The following ATRX variants were observed in gnomAD, a reference collection of about 807,000 sequenced individuals.
ATRX encodes chromatin remodeler ATRX.
In ATRX, 12 loss-of-function variants were observed where a neutral mutation model predicts 172.6. The observed-to-expected ratio is 0.07, with a 90% CI of 0.04 to 0.11. The LOEUF is 0.11. ATRX is among the 10% of genes least tolerant of loss of function. The pLI is 1.00. For synonymous variants in ATRX, 674 were observed against 594.7 expected, an observed-to-expected ratio of 1.13 and a Z score of -1.94; for missense variants, 1,368 against 1,767.4, an observed-to-expected ratio of 0.77 and a Z score of 4.05.
At position 77,763,027 on chromosome X, in the gene ATRX, T is replaced by A. The variant is rs2075776637; in HGVS notation, c.20+22955A>T. On this transcript the variant is annotated intron_variant, in intron 1 of 34. Transcript: ENST00000373344. ...TGTTTGGAAATTTAGTCTAGAATAATCCACTGAAGGGTAAGTGTTAACCAA... is the reference window on the plus strand; with the variant it reads ...TGTTTGGAAATTTAGTCTAGAATAAACCACTGAAGGGTAAGTGTTAACCAA... Among the ~76,000 whole-genome samples, 3 of 111,487 alleles carry A rather than the reference T, an allele frequency of 2.7e-5. No homozygotes were observed. In the South Asian group the frequency reaches 1.1e-3, roughly 41 times the overall value.
At chrX:77,667,295 A>ATG (rs782297684) in intron 10 of ATRX, among the ~76,000 whole-genome samples, 9,691 of 88,894 alleles carry the variant, frequency 0.11, 546 homozygotes, top group African/African-American at 0.18. Context: ...ACGAATAAAT[A>ATG]TGTGTGTGTG....
chrX:77,625,166 G>A (rs1037053590), intron 19 of ATRX, among the ~76,000 whole-genome samples: 3 of 112,047 alleles, frequency 2.7e-5, no homozygotes, highest in African/African-American at 9.7e-5. Flanking sequence ...TTCAACAAAT[G>A]GTGCTGGGAT....
intron 1 of ATRX, among the ~76,000 whole-genome samples, chrX:77,741,343 T>A (rs782151459): frequency 1.8e-5 from 2 of 111,533 alleles, no homozygotes; most frequent in Admixed American, 9.6e-5. Context: ...CTTTACACAT[T>A]CTGGATATTA....
At chrX:77,748,055 G>A (rs782419088) in intron 1 of ATRX, among the ~76,000 whole-genome samples, 13 of 111,852 alleles carry the variant, frequency 1.2e-4, no homozygotes, top group Non-Finnish European at 2.3e-4. Flanking sequence ...TATACCTGTA[G>A]CTAAATATCC....
chrX:77,615,184 A>G (rs1032800504), intron 22 of ATRX, among the ~76,000 whole-genome samples: 1 of 110,730 alleles, frequency 9.0e-6, no homozygotes, highest in African/African-American at 3.3e-5. Context: ...TTTTTCGTGG[A>G]GATAAGGTTT....
chrX:77,777,528 T>C (rs2076402313), intron 1 of ATRX, among the ~76,000 whole-genome samples: 1 of 112,180 alleles, frequency 8.9e-6, no homozygotes, highest in Non-Finnish European at 1.9e-5. Flanking sequence ...AATTTTGTCG[T>C]ATGCTTCAAA....
intron 2 of ATRX, among the ~76,000 whole-genome samples, chrX:77,705,920 T>A (rs2072794198): frequency 1.8e-5 from 2 of 111,583 alleles, no homozygotes; most frequent in Non-Finnish European, 3.8e-5. Flanking sequence ...CGTGGAGTAC[T>A]GGTAAAAGGA....
At chrX:77,512,793 C>T (rs1557037162) in intron 34 of ATRX, among the ~76,000 whole-genome samples, 5 of 111,015 alleles carry the variant, frequency 4.5e-5, no homozygotes, top group South Asian at 3.9e-4. Context: ...CGCTCAAACC[C>T]GGGAAGGCAG....
intron 22 of ATRX, among the ~76,000 whole-genome samples, chrX:77,609,533 G>C (rs2067065214): frequency 8.9e-6 from 1 of 112,364 alleles, no homozygotes; most frequent in Non-Finnish European, 1.9e-5. Flanking sequence ...ACAAAGGCTG[G>C]AATGCAGTGG....
At chrX:77,599,876 A>G in intron 23 of ATRX, 56 bp from the exon 24 acceptor site, 1 of 928,127 alleles carries the variant, frequency 1.1e-6, no homozygotes, top group Non-Finnish European at 1.6e-6. Flanking sequence ...TACACTGGAA[A>G]TTATATTGAT....
chrX:77,758,715 G>A (rs1261400582), intron 1 of ATRX, among the ~76,000 whole-genome samples: 2 of 110,172 alleles, frequency 1.8e-5, no homozygotes, highest in Non-Finnish European at 3.8e-5. Flanking sequence ...CCGAGATCAC[G>A]CCACTGCACT....
chrX:77,562,338 G>C (rs1234913286), intron 28 of ATRX, among the ~76,000 whole-genome samples: 1 of 111,927 alleles, frequency 8.9e-6, no homozygotes, highest in Non-Finnish European at 1.9e-5. Flanking sequence ...TAATTGCAAG[G>C]TTATATGACA....
chrX:77,619,417 A>C (rs1438016510), intron 20 of ATRX, among the ~76,000 whole-genome samples: 1 of 111,407 alleles, frequency 9.0e-6, no homozygotes, highest in African/African-American at 3.3e-5. Flanking sequence ...TAACTGATTC[A>C]TTTCCAGAAT....
rs782155630 is a variant in ATRX, at chrX:77,684,610, A to G, written c.663-17T>C. The G allele has an allele frequency of 3.4e-6, 4 of 1,178,118 alleles. No individual in the cohort carries two copies. The Admixed American group carries it at 8.8e-5, about 26-fold the overall frequency. On this transcript the variant is annotated splice_polypyrimidine_tract_variant and intron_variant, in intron 8 of 34. Coordinates refer to ENST00000373344, the MANE Select transcript of ATRX (RefSeq NM_000489.6). ...GCACACCACCTGAAATGTTTTAAAGATTAAAACATTATTCCCTTCTTTCAG... is the reference window on the plus strand; with the variant it reads ...GCACACCACCTGAAATGTTTTAAAGGTTAAAACATTATTCCCTTCTTTCAG...
intron 1 of ATRX, among the ~76,000 whole-genome samples, chrX:77,779,934 G>A (rs1335627759): frequency 1.8e-5 from 2 of 112,083 alleles, no homozygotes; most frequent in Non-Finnish European, 3.8e-5. Context: ...AGCAGCTACA[G>A]TGCAAAATTC....
chrX:77,555,577 C>G (rs1557058515), intron 30 of ATRX, among the ~76,000 whole-genome samples: 2 of 111,012 alleles, frequency 1.8e-5, no homozygotes, highest in Non-Finnish European at 3.8e-5. Context: ...AAGCTGGAAA[C>G]CATCATCCTC....
intron 28 of ATRX, among the ~76,000 whole-genome samples, chrX:77,563,710 TG>T (rs1162812150): frequency 9.5e-6 from 1 of 105,540 alleles, no homozygotes; most frequent in African/African-American, 3.4e-5. Flanking sequence ...TGCGTGTGTG[TG>T]TGTGTGTGTG....
chrX:77,544,236 A>C (rs184192900), intron 30 of ATRX, among the ~76,000 whole-genome samples: 1 of 111,143 alleles, frequency 9.0e-6, no homozygotes, highest in Admixed American at 9.6e-5. Flanking sequence ...TTCTGGTTTG[A>C]ATATGTTCAC....
chrX:77,622,190 C>A (rs530239223), intron 19 of ATRX, among the ~76,000 whole-genome samples: 3 of 111,937 alleles, frequency 2.7e-5, no homozygotes, highest in African/African-American at 9.7e-5. Context: ...CTTCCACAGG[C>A]ACCCAAAGAT....
Sources: gnomAD v4.1 joint callset for allele counts (sites outside exome capture counted in the v4.1 genomes callset) on GRCh38, gnomAD v4.1.1 for gene constraint, MANE v1.5 for transcripts, NCBI Gene and HGNC (gene_info 2026-07-23, HGNC 2026-07-21) for gene names.